Variants in RPTOR observed in about 807,000 individuals in gnomAD.
RPTOR encodes regulatory associated protein of MTOR complex 1, also known as regulatory-associated protein of mTOR.
Under a neutral mutation model 169.9 loss-of-function variants are expected in RPTOR, and 21 were observed. That is an observed-to-expected ratio of 0.12 (90% CI 0.09 to 0.18). RPTOR has a LOEUF of 0.18. RPTOR is among the 10% of genes least tolerant of loss of function. The pLI, the probability that RPTOR is intolerant of heterozygous loss-of-function variation, is 1.00. For synonymous variants in RPTOR, 732 were observed against 753.2 expected (o/e 0.97, Z 0.46); for missense variants, 1,133 against 1,855.9 (o/e 0.61, Z 7.16).
At chr17:80,634,260 ATACCGTGTGTGTGCG>A (rs1567830384) in intron 2 of RPTOR, among the ~76,000 whole-genome samples, 1 of 95,024 alleles carries the variant, frequency 1.1e-5, no homozygotes, top group Non-Finnish European at 2.1e-5. Context: ...GTATGCGTGC[ATACCGTGTGTGTGCG>A]TACTGTGTGT....
At chr17:80,554,354 G>T (rs2084380051) in intron 1 of RPTOR, among the ~76,000 whole-genome samples, 1 of 152,066 alleles carries the variant, frequency 6.6e-6, no homozygotes, top group Non-Finnish European at 1.5e-5. Context: ...TGGATATTCT[G>T]ATACTCCTGC....
chr17:80,597,785 A>G (rs879643937), intron 1 of RPTOR, among the ~76,000 whole-genome samples: 5 of 151,408 alleles, frequency 3.3e-5, no homozygotes, highest in Non-Finnish European at 7.4e-5. Context: ...GAGTGTTGAG[A>G]TTACAGGTGT....
chr17:80,922,245 T>G (rs999949859), intron 21 of RPTOR, among the ~76,000 whole-genome samples: 1 of 152,208 alleles, frequency 6.6e-6, no homozygotes, highest in African/African-American at 2.4e-5. Context: ...GCTGGTGGAT[T>G]CTTCCCGGGC....
intron 4 of RPTOR, among the ~76,000 whole-genome samples, chr17:80,713,960 T>C (rs944171314): frequency 6.6e-6 from 1 of 152,158 alleles, no homozygotes; most frequent in Non-Finnish European, 1.5e-5. Flanking sequence ...TTTTTTGAGA[T>C]GGAGTCTCGC....
At position 80,721,025 on chromosome 17, in the gene RPTOR, C is replaced by T. The variant is rs1185106472; in HGVS notation, c.508-9535C>T. Among the ~76,000 whole-genome samples the T allele has an allele frequency of 1.3e-5, 2 of 151,024 alleles. No homozygotes were observed. The highest frequency in any genetic ancestry group is 2.9e-5 in the Non-Finnish European group (2 of 68,028). On this transcript the variant is annotated intron_variant, in intron 4 of 33. Coordinates refer to ENST00000306801, the MANE Select transcript of RPTOR (RefSeq NM_020761.3). This position sits in a 1 kb window ranked among gnomAD's most constrained non-coding sequence, Gnocchi z 4.7. ...CATCTCTAATTTTAGCCGTCTAGGG[C>T]AGAAACAGTCCCGGGTAAACACCAA...
chr17:80,875,903 C>A (rs968830893), intron 13 of RPTOR, among the ~76,000 whole-genome samples: 2 of 121,188 alleles, frequency 1.7e-5, no homozygotes, highest in African/African-American at 6.7e-5. Context: ...GTGTCACCTG[C>A]CAGGTCTTCC....
chr17:80,587,617 G>A (rs1473876187), intron 1 of RPTOR, among the ~76,000 whole-genome samples: 4 of 152,088 alleles, frequency 2.6e-5, no homozygotes, highest in Admixed American at 1.3e-4. Flanking sequence ...TCATTCCTGT[G>A]GGTATGTATT....
At chr17:80,553,154 C>T (rs79561919) in intron 1 of RPTOR, among the ~76,000 whole-genome samples, 3,889 of 152,336 alleles carry the variant, frequency 0.026, 158 homozygotes, top group African/African-American at 0.089. Flanking sequence ...AGAGAATGTC[C>T]TTGCTAATAA....
chr17:80,771,760 C>T (rs1410662038), intron 6 of RPTOR, among the ~76,000 whole-genome samples: 11 of 152,162 alleles, frequency 7.2e-5, no homozygotes, highest in Admixed American at 7.2e-4. Flanking sequence ...ACCCTCGTGT[C>T]CCTCAGCCAG....
intron 5 of RPTOR, among the ~76,000 whole-genome samples, chr17:80,750,234 G>GA (rs2066617919): frequency 1.3e-5 from 2 of 152,180 alleles, no homozygotes; most frequent in African/African-American, 4.8e-5. Context: ...TTTTGAAAAG[G>GA]AAAATAGGAA....
intron 10 of RPTOR, among the ~76,000 whole-genome samples, chr17:80,839,040 A>T (rs1031278243): frequency 2.6e-5 from 4 of 152,248 alleles, no homozygotes; most frequent in African/African-American, 9.6e-5. Context: ...ACCGATGGTC[A>T]GGAAGGTTCC....
intron 1 of RPTOR, among the ~76,000 whole-genome samples, chr17:80,611,777 AC>A (rs1167082450): frequency 1.3e-5 from 2 of 150,300 alleles, no homozygotes; most frequent in African/African-American, 4.9e-5. Flanking sequence ...TTTAAAAAAA[AC>A]AAAATCTACT....
At chr17:80,773,908 G>C (rs907020613) in intron 6 of RPTOR, 5 of 983,928 alleles carry the variant, frequency 5.1e-6, no homozygotes, top group Non-Finnish European at 6.0e-6. Flanking sequence ...CCTCCAGACA[G>C]CTCCCGGTGG....
intron 5 of RPTOR, among the ~76,000 whole-genome samples, chr17:80,750,601 G>A (rs116903635): frequency 0.027 from 4,165 of 152,286 alleles, 89 homozygotes; most frequent in South Asian, 0.06. Flanking sequence ...GTTGTGACGC[G>A]GGTCTGAGTA....
chr17:80,710,567 TTGTATGTGTG>T (rs761405043), intron 4 of RPTOR, among the ~76,000 whole-genome samples: 3,135 of 110,656 alleles, frequency 0.028, 63 homozygotes, highest in Non-Finnish European at 0.043. Context: ...CCTTGGTTAT[TTGTATGTGTG>T]TGTGTGTGTG....
chr17:80,652,033 G>C (rs147856429), intron 3 of RPTOR, among the ~76,000 whole-genome samples: 2,712 of 151,018 alleles, frequency 0.018, 36 homozygotes, highest in Middle Eastern at 0.041. Flanking sequence ...AGCTGGGCGT[G>C]GTGGCGGGTG....
Position 80,964,472 on chromosome 17 carries a change from G to C in RPTOR, c.*142G>C. The stretch of plus-strand genomic sequence containing the variant: ...CTTAGCTGCTGATGACGGCAGGAGG[G>C]CCCTGCTACTCGCTTTTGTCTGTCT... On this transcript the variant is annotated 3_prime_UTR_variant, in exon 34 of 34. Coordinates refer to ENST00000306801, the MANE Select transcript of RPTOR (RefSeq NM_020761.3). The C allele has an allele frequency of 2.6e-6, 2 of 767,856 alleles. No individual in the cohort carries two copies. Among genetic ancestry groups the C allele is most frequent in the Non-Finnish European group, 4.4e-6 (2 of 457,784 alleles). 47.6% of individuals were successfully genotyped at this position (767,856 alleles called of 1,614,324 possible).
chr17:80,961,741 G>A, intron 31 of RPTOR: 1 of 456,138 alleles, frequency 2.2e-6, no homozygotes, highest in Non-Finnish European at 3.9e-6. Flanking sequence ...GGGTTCCGGG[G>A]GGAGTTGGGC....
At chr17:80,683,264 G>A (rs1030028555) in intron 3 of RPTOR, among the ~76,000 whole-genome samples, 1 of 152,168 alleles carries the variant, frequency 6.6e-6, no homozygotes, top group Admixed American at 6.6e-5. Context: ...GGCCAGTTCA[G>A]TTCTAATCCT....
Sources: allele counts gnomAD v4.1 joint callset (sites outside exome capture counted in the v4.1 genomes callset), GRCh38; gene constraint gnomAD v4.1.1; non-coding constraint Gnocchi (gnomAD v3.1); transcripts MANE v1.5; gene names NCBI Gene and HGNC (gene_info 2026-07-23, HGNC 2026-07-21).